TENM4: variants seen among roughly 807,000 people sequenced by gnomAD.
TENM4 encodes the protein teneurin-4.
Under a neutral mutation model 243.3 loss-of-function variants are expected in TENM4, and 82 were observed. The ratio of observed to expected loss-of-function variants is 0.34; its 90% CI spans 0.28 to 0.40. The LOEUF (loss-of-function observed/expected upper bound fraction) is 0.40. TENM4 is among the 10% of genes least tolerant of loss of function. TENM4 has a pLI of 1.00. For synonymous variants in TENM4, 1,412 were observed against 1,456.3 expected (o/e 0.97, Z 0.69); for missense variants, 3,138 against 3,673.3 (o/e 0.85, Z 3.77).
chr11:78,714,137 T>G (rs1859467340), intron 25 of TENM4, among the ~76,000 whole-genome samples: 1 of 152,166 alleles, frequency 6.6e-6, no homozygotes, highest in South Asian at 2.1e-4. Context: ...CCCTTCAAGA[T>G]GAAAGCAAGA....
chr11:79,415,130 T>G (rs113052897), intron 1 of TENM4, among the ~76,000 whole-genome samples: 1 of 152,342 alleles, frequency 6.6e-6, no homozygotes, highest in African/African-American at 2.4e-5. Context: ...AGACTGTCTC[T>G]CTCTTGTCCG....
At chr11:78,978,251 T>G (rs1202697147) in intron 6 of TENM4, among the ~76,000 whole-genome samples, 1 of 151,954 alleles carries the variant, frequency 6.6e-6, no homozygotes, top group Non-Finnish European at 1.5e-5. Context: ...ATACCTAATG[T>G]AGATGACATG....
At chr11:78,820,430 C>T (rs754160171) in intron 12 of TENM4, among the ~76,000 whole-genome samples, 1 of 152,166 alleles carries the variant, frequency 6.6e-6, no homozygotes, top group Non-Finnish European at 1.5e-5. Context: ...AGCTAGATGC[C>T]TTTGGACAAG....
At chr11:78,861,641 T>C (rs972968576) in intron 10 of TENM4, among the ~76,000 whole-genome samples, 4 of 151,660 alleles carry the variant, frequency 2.6e-5, no homozygotes, top group African/African-American at 9.7e-5. Flanking sequence ...AAGCCAAGAG[T>C]TGACTTTGGC....
chr11:79,243,442 C>T (rs1855460400), intron 2 of TENM4, among the ~76,000 whole-genome samples: 1 of 152,134 alleles, frequency 6.6e-6, no homozygotes, highest in Non-Finnish European at 1.5e-5. Context: ...GAGGGCAATG[C>T]TGAATTTAAA....
chr11:78,977,077 AG>A (rs2136605349), intron 6 of TENM4, among the ~76,000 whole-genome samples: 1 of 152,296 alleles, frequency 6.6e-6, no homozygotes, highest in South Asian at 2.1e-4. Flanking sequence ...TGAACCCTGT[AG>A]GGGGATGCTT....
At chr11:78,731,355 A>C (rs776660836) in intron 21 of TENM4, among the ~76,000 whole-genome samples, 7 of 152,230 alleles carry the variant, frequency 4.6e-5, no homozygotes, top group Non-Finnish European at 1.0e-4. Flanking sequence ...GTGCAATGAG[A>C]ATTTCAAAAT....
chr11:79,060,533 T>C (rs1194055652), intron 6 of TENM4, among the ~76,000 whole-genome samples: 2 of 151,948 alleles, frequency 1.3e-5, no homozygotes, highest in African/African-American at 4.8e-5. Context: ...TGGCTGGAGG[T>C]TGCTGGGGGT....
chr11:78,853,999 C>A lies in TENM4; in HGVS notation c.1681+105G>T, dbSNP rs888680134. 2.0e-5 allele frequency: 23 copies of A among 1,175,898 alleles called. No individual in the cohort carries two copies. The South Asian group carries it at 2.5e-4, about 13-fold the overall frequency. The allele number at this position is 1,175,898 out of a possible 1,614,324, so 72.8% of individuals were successfully genotyped here. On this transcript the variant is annotated intron_variant, in intron 12 of 33. Coordinates refer to ENST00000278550, the MANE Select transcript of TENM4 (RefSeq NM_001098816.3). ...TCTCGTGCCAAGCTCCAGGGCCATC[C>A]ACAGCTCTGACATCCCCTTGTCAGT...
chr11:79,263,143 C>T (rs1412733946), intron 2 of TENM4, among the ~76,000 whole-genome samples: 1 of 152,222 alleles, frequency 6.6e-6, no homozygotes, highest in Non-Finnish European at 1.5e-5. Context: ...AGGCAGGTGA[C>T]CAATAAAAGC....
intron 1 of TENM4, among the ~76,000 whole-genome samples, chr11:79,381,611 A>T (rs1375837637): frequency 6.7e-6 from 1 of 150,354 alleles, no homozygotes; most frequent in Non-Finnish European, 1.5e-5. Context: ...TGCAAGGTAG[A>T]CAGTGAGTCA....
intron 12 of TENM4, among the ~76,000 whole-genome samples, chr11:78,816,831 A>C (rs1458811982): frequency 6.6e-6 from 1 of 152,248 alleles, no homozygotes. Flanking sequence ...TGGGAGAATA[A>C]AATAATAAGT....
chr11:78,716,443 C>G (rs973573122), intron 25 of TENM4, among the ~76,000 whole-genome samples: 2 of 152,188 alleles, frequency 1.3e-5, no homozygotes, highest in African/African-American at 4.8e-5. Flanking sequence ...ACCTTGAACT[C>G]CTCAAGAGGA....
chr11:78,726,628 C>T (rs79539564), intron 22 of TENM4, among the ~76,000 whole-genome samples: 1,928 of 152,162 alleles, frequency 0.013, 60 homozygotes, highest in African/African-American at 0.045. Flanking sequence ...TTCTCATGAA[C>T]GGCTTGGCAC....
chr11:79,063,457 G>A (rs111964757), intron 6 of TENM4, among the ~76,000 whole-genome samples: 1 of 145,880 alleles, frequency 6.9e-6, no homozygotes, highest in Non-Finnish European at 1.5e-5. Flanking sequence ...GCTGGCTGTC[G>A]TGCGGAAGCA....
chr11:79,157,199 C>T (rs1342079802), intron 3 of TENM4, among the ~76,000 whole-genome samples: 4 of 152,076 alleles, frequency 2.6e-5, no homozygotes, highest in Non-Finnish European at 5.9e-5. Context: ...TTCTAAGTCC[C>T]ATTTATTGGA....
chr11:79,359,131 T>A (rs989912247), intron 1 of TENM4, among the ~76,000 whole-genome samples: 2 of 152,094 alleles, frequency 1.3e-5, no homozygotes, highest in Non-Finnish European at 2.9e-5. Flanking sequence ...CTGTGCATGG[T>A]GTTGCATACC....
At chr11:79,317,761 G>T (rs1056629131) in intron 1 of TENM4, among the ~76,000 whole-genome samples, 5 of 152,090 alleles carry the variant, frequency 3.3e-5, no homozygotes, top group African/African-American at 9.7e-5. Flanking sequence ...AGTTTCAAAC[G>T]CCCCAATGTC....
At chr11:78,836,607 G>A (rs935296374) in intron 12 of TENM4, among the ~76,000 whole-genome samples, 6 of 152,150 alleles carry the variant, frequency 3.9e-5, no homozygotes, top group Admixed American at 6.5e-5. Flanking sequence ...TTGGGGATGC[G>A]GATGTAGGAA....
Sources: allele counts gnomAD v4.1 joint callset (sites outside exome capture counted in the v4.1 genomes callset), GRCh38; gene constraint gnomAD v4.1.1; transcripts MANE v1.5; gene names NCBI Gene and HGNC (gene_info 2026-07-23, HGNC 2026-07-21).